The following DDI2 variants were observed in gnomAD, a reference collection of about 807,000 sequenced individuals.
DDI2 encodes the protein DDI proteasomal shuttling factor 2, also known as protein DDI1 homolog 2.
DDI2 carries 5 observed loss-of-function variants against 48.1 expected under a neutral mutation model. That is an observed-to-expected ratio of 0.10 (90% CI 0.05 to 0.22). DDI2 has a LOEUF of 0.22. Among genes scored for constraint, DDI2 ranks in the 10% least tolerant of loss-of-function variants. DDI2 has a pLI of 1.00. For synonymous variants in DDI2, 205 were observed against 183.6 expected (o/e 1.12, Z -0.94); for missense variants, 285 against 506.2 (o/e 0.56, Z 4.19).
chr1:15,662,918 T>C lies in DDI2; in HGVS notation c.*3128T>C, dbSNP rs1640403346. The C allele has an allele frequency of 6.6e-6, 1 of 152,236 alleles. No homozygotes were observed. Among genetic ancestry groups the C allele is most frequent in the Non-Finnish European group, 1.5e-5 (1 of 68,042 alleles). 9.4% of individuals were successfully genotyped at this position (152,236 alleles called of 1,614,324 possible). A position where few individuals can be genotyped will look rare whatever the true frequency, so the allele number is the denominator to read the frequency against. ...AAGCAAAATTCATCTTATTTGTGTT[T>C]ACCATGTCAAGTTAGAGTGGGGCAT... is the stretch of plus-strand genomic sequence containing the variant. On this transcript the variant is annotated 3_prime_UTR_variant, in exon 10 of 10. Transcript: ENST00000480945.
At chr1:15,633,129 A>G (rs185489791) in intron 3 of DDI2, among the ~76,000 whole-genome samples, 27 of 151,880 alleles carry the variant, frequency 1.8e-4, no homozygotes, top group Admixed American at 9.9e-4. Flanking sequence ...AGGTCTTGCT[A>G]TGTTGCCCAG....
intron 3 of DDI2, among the ~76,000 whole-genome samples, chr1:15,631,472 C>T (rs989037450): frequency 6.6e-6 from 1 of 152,202 alleles, no homozygotes; most frequent in African/African-American, 2.4e-5. Flanking sequence ...TCATTTTACT[C>T]TTGGGTTTAT....
rs1191253426 is a variant in DDI2, at chr1:15,661,360, G to A, written c.*1570G>A. 1 of 1,614,102 alleles carries A rather than the reference G, an allele frequency of 6.2e-7. No individual in the cohort carries two copies. The highest frequency in any genetic ancestry group is 8.5e-7 in the Non-Finnish European group (1 of 1,180,030). On this transcript the variant is annotated 3_prime_UTR_variant, in exon 10 of 10. Transcript: ENST00000480945. The stretch of plus-strand genomic sequence containing the variant: ...TGTAGAAATTTCACCCAAACTTTTA[G>A]CAGGTGAGGAGGATGCACTCAATCA...
At chr1:15,626,604 C>G (rs998028730) in intron 1 of DDI2, 65 bp from the exon 2 acceptor site, 3 of 1,591,548 alleles carry the variant, frequency 1.9e-6, no homozygotes, top group Non-Finnish European at 2.6e-6. Context: ...GAAAACTGGT[C>G]CTTCTGCCTT....
intron 6 of DDI2, among the ~76,000 whole-genome samples, chr1:15,647,857 A>C (rs1386296372): frequency 6.6e-6 from 1 of 152,112 alleles, no homozygotes; most frequent in Non-Finnish European, 1.5e-5. Flanking sequence ...CCAGCTACTC[A>C]GGAGGCTGAG....
Position 15,656,631 on chromosome 1 carries a change from T to C in DDI2, c.1198T>C (p.Ter400ArgextTer3), listed in dbSNP as rs770119825. The C allele has an allele frequency of 1.5e-5, 25 of 1,614,092 alleles. No individual in the cohort carries two copies. The highest frequency in any genetic ancestry group is 2.1e-5 in the Non-Finnish European group (25 of 1,180,034). Residue 400 changes from the stop codon to arginine, a stop_lost, in exon 9 of 10, where the codon TGA becomes CGA. Coordinates refer to ENST00000480945, the MANE Select transcript of DDI2 (RefSeq NM_032341.5). ...AATTCACACAGAGCGTCAGAAGCCA[T>C]GATGCATGTAGTGTGTGTGTACTGC... is the stretch of plus-strand genomic sequence containing the variant. ...SAEDAERQKP[*>R]
chr1:15,651,627 T>C, intron 7 of DDI2, 79 bp from the exon 8 acceptor site: 3 of 1,374,198 alleles, frequency 2.2e-6, no homozygotes, highest in Middle Eastern at 1.9e-4. Flanking sequence ...CCATTTGTGA[T>C]TGGAGTTTTA....
At chr1:15,647,424 C>G (rs1411644859) in intron 6 of DDI2, among the ~76,000 whole-genome samples, 1 of 152,104 alleles carries the variant, frequency 6.6e-6, no homozygotes, top group African/African-American at 2.4e-5. Flanking sequence ...GCTGGGATTA[C>G]AGGCGTGAGC....
At chr1:15,654,548 T>C (rs1170966821) in intron 8 of DDI2, among the ~76,000 whole-genome samples, 1 of 141,984 alleles carries the variant, frequency 7.0e-6, no homozygotes, top group East Asian at 1.9e-4. Flanking sequence ...CTCAGCTGTT[T>C]GAGAGGCTGA....
Position 15,663,583 on chromosome 1 carries a change from C to T in DDI2, c.*3793C>T, listed in dbSNP as rs1640410834. 1 of 152,134 alleles carries T rather than the reference C, an allele frequency of 6.6e-6. No individual in the cohort carries two copies. The highest frequency in any genetic ancestry group is 2.4e-5 in the African/African-American group (1 of 41,420). The allele number at this position is 152,134 out of a possible 1,614,324, so 9.4% of individuals were successfully genotyped here. A position where few individuals can be genotyped will look rare whatever the true frequency, so the allele number is the denominator to read the frequency against. On this transcript the variant is annotated 3_prime_UTR_variant, in exon 10 of 10. Transcript: ENST00000480945. ...TTTAGACAGCTGCACATTGTAGACC[C>T]TTTCACCTGCCCTACACCAAAGATG...
intron 1 of DDI2, among the ~76,000 whole-genome samples, chr1:15,618,774 T>G (rs768218820): frequency 2.0e-5 from 3 of 152,236 alleles, no homozygotes; most frequent in Non-Finnish European, 4.4e-5. Context: ...CTTAATAAAT[T>G]TAGCCTGGAG....
intron 6 of DDI2, among the ~76,000 whole-genome samples, chr1:15,644,775 A>G (rs1340211238): frequency 6.6e-6 from 1 of 150,702 alleles, no homozygotes; most frequent in East Asian, 2.0e-4. Context: ...TTGTATTTTT[A>G]GTAGAGACGG....
At chr1:15,640,080 C>A (rs1639983556) in intron 5 of DDI2, among the ~76,000 whole-genome samples, 1 of 151,584 alleles carries the variant, frequency 6.6e-6, no homozygotes, top group Non-Finnish European at 1.5e-5. Context: ...TAAAAAAAAA[C>A]TGAAATTATT....
intron 2 of DDI2, among the ~76,000 whole-genome samples, chr1:15,630,033 C>T (rs772980136): frequency 1.3e-5 from 2 of 152,026 alleles, no homozygotes; most frequent in Non-Finnish European, 2.9e-5. Context: ...CGCCTGGCCA[C>T]TTTAATGATT....
intron 7 of DDI2, among the ~76,000 whole-genome samples, chr1:15,650,398 G>A (rs996682191): frequency 6.6e-6 from 1 of 152,148 alleles, no homozygotes; most frequent in Non-Finnish European, 1.5e-5. Flanking sequence ...GCTCAGGGTG[G>A]TATGGCTGTA....
intron 2 of DDI2, among the ~76,000 whole-genome samples, chr1:15,627,728 G>A (rs750386769): frequency 6.6e-6 from 1 of 152,174 alleles, no homozygotes; most frequent in Non-Finnish European, 1.5e-5. Flanking sequence ...GCCATATTCA[G>A]ATAGATTTTC....
At chr1:15,652,575 G>T (rs1019276459) in intron 8 of DDI2, among the ~76,000 whole-genome samples, 2 of 151,082 alleles carry the variant, frequency 1.3e-5, no homozygotes, top group Non-Finnish European at 1.5e-5. Context: ...TGTAATCCCA[G>T]CACTTTGGGA....
chr1:15,657,178 C>T (rs1454232449), intron 9 of DDI2, among the ~76,000 whole-genome samples: 1 of 152,198 alleles, frequency 6.6e-6, no homozygotes, highest in African/African-American at 2.4e-5. Flanking sequence ...CTCTGAACAA[C>T]AGGAACTAAG....
intron 4 of DDI2, among the ~76,000 whole-genome samples, chr1:15,636,940 G>A (rs1639939792): frequency 6.6e-6 from 1 of 152,150 alleles, no homozygotes. Context: ...TAAACAGCAG[G>A]CTATGATTTA....
Sources: allele counts gnomAD v4.1 joint callset (sites outside exome capture counted in the v4.1 genomes callset), GRCh38; gene constraint gnomAD v4.1.1; transcripts MANE v1.5; gene names NCBI Gene and HGNC (gene_info 2026-07-23, HGNC 2026-07-21).